The following ANK2 variants were observed in gnomAD, a reference collection of about 807,000 sequenced individuals.
ANK2 encodes ankyrin-2.
Under a neutral mutation model 360.5 loss-of-function variants are expected in ANK2, and 83 were observed. That is an observed-to-expected ratio of 0.23 (90% CI 0.19 to 0.28). The LOEUF is 0.28. Ranked by LOEUF, ANK2 falls within the 10% of genes least tolerant of loss-of-function variation. ANK2 has a pLI of 1.00. For synonymous variants in ANK2, 1,740 were observed against 1,759.5 expected, an observed-to-expected ratio of 0.99 and a Z score of 0.28; for missense variants, 4,201 against 4,795.7, an observed-to-expected ratio of 0.88 and a Z score of 3.66.
intron 10 of ANK2, among the ~76,000 whole-genome samples, chr4:113,253,127 A>T (rs2047368558): frequency 6.6e-6 from 1 of 152,120 alleles, no homozygotes; most frequent in African/African-American, 2.4e-5. Flanking sequence ...TGTAGTCTAC[A>T]TTCTCTCCCG....
chr4:112,845,322 G>GTT (rs34457976), intron 1 of ANK2, among the ~76,000 whole-genome samples: 23,637 of 147,654 alleles, frequency 0.16, 2,564 homozygotes, highest in East Asian at 0.55. Context: ...GTACTTAGGT[G>GTT]TTTTTTTTTT....
chr4:113,347,171 G>A (rs1184330692), intron 35 of ANK2, among the ~76,000 whole-genome samples: 1 of 152,102 alleles, frequency 6.6e-6, no homozygotes, highest in Non-Finnish European at 1.5e-5. Flanking sequence ...AATTATTCTT[G>A]TAAATAGAGA....
In ANK2 at chr4:113,341,829, G is replaced by T. The variant is rs776522934; in HGVS notation, c.4035G>T (p.Arg1345Ser). ...ATGACCCCATTGAAGCCAGGTTGAG[G>T]TGTTTCTGCATGACTGATGATAAAG... is the stretch of plus-strand genomic sequence containing the variant. The part of the protein sequence containing the change: ...KSHDPIEARL[R>S]CFCMTDDKVD... Residue 1345 changes from arginine to serine, a missense_variant, in exon 33 of 46, where the codon AGG becomes AGT. By Grantham distance (110) the Arg-to-Ser change is moderately radical (BLOSUM62 -1). Transcript: ENST00000357077. 1 of 1,614,096 alleles carries T rather than the reference G, an allele frequency of 6.2e-7. No individual in the cohort carries two copies. Among genetic ancestry groups the T allele is most frequent in the South Asian group, 1.1e-5 (1 of 91,090 alleles).
chr4:113,117,141 G>A (rs1178467686), intron 1 of ANK2: 1 of 371,222 alleles, frequency 2.7e-6, no homozygotes, highest in African/African-American at 2.1e-5. Context: ...CTAGCTCGGG[G>A]GCGGAGTGGA....
intron 10 of ANK2, among the ~76,000 whole-genome samples, chr4:113,251,834 A>G (rs1400940863): frequency 6.6e-6 from 1 of 151,436 alleles, no homozygotes. Context: ...GGCATGATAG[A>G]AAAAAAAAGA....
Position 112,957,741 on chromosome 4 carries a change from G to C in ANK2, c.21+53227G>C, listed in dbSNP as rs1340627836. On this transcript the variant is annotated intron_variant, in intron 2 of 30. Coordinates refer to the ANK2 transcript ENST00000503271. ...GACGGGGTGGCTGCCGGGCGGAGAC[G>C]CTCCTCACTTCCCAGACGGGGTGGC... Among the ~76,000 whole-genome samples the C allele has an allele frequency of 4.0e-5, 6 of 150,912 alleles. No individual in the cohort carries two copies. In the East Asian group the frequency reaches 8.0e-4, roughly 20 times the overall value.
intron 2 of ANK2, among the ~76,000 whole-genome samples, chr4:113,029,158 T>C (rs1415818648): frequency 1.3e-5 from 2 of 152,274 alleles, no homozygotes; most frequent in African/African-American, 4.8e-5. Context: ...TACTTGCTAT[T>C]AATTCTTAGA....
chr4:113,080,465 T>G (rs2081958190), intron 1 of ANK2, among the ~76,000 whole-genome samples: 1 of 152,282 alleles, frequency 6.6e-6, no homozygotes, highest in African/African-American at 2.4e-5. Flanking sequence ...CACTAGAAGG[T>G]TTTAAAACTC....
At chr4:113,154,431 G>T (rs1036005415) in intron 1 of ANK2, among the ~76,000 whole-genome samples, 13 of 152,176 alleles carry the variant, frequency 8.5e-5, no homozygotes, top group African/African-American at 2.9e-4. Flanking sequence ...CAGCAAGATT[G>T]TTCTGAATGA....
At chr4:113,102,488 G>T (rs939983828) in intron 1 of ANK2, among the ~76,000 whole-genome samples, 6 of 152,090 alleles carry the variant, frequency 3.9e-5, no homozygotes, top group Non-Finnish European at 7.4e-5. Flanking sequence ...AGATGCTGCT[G>T]GTGGGGCGCA....
intron 4 of ANK2, among the ~76,000 whole-genome samples, chr4:113,203,387 G>A (rs2098878972): frequency 6.6e-6 from 1 of 151,582 alleles, no homozygotes; most frequent in Non-Finnish European, 1.5e-5. Flanking sequence ...AATACTTGTA[G>A]CACTCTTTGT....
intron 2 of ANK2, among the ~76,000 whole-genome samples, chr4:112,952,998 T>C (rs1263520659): frequency 4.6e-5 from 7 of 152,198 alleles, no homozygotes; most frequent in African/African-American, 1.7e-4. Context: ...GTACCCAGGA[T>C]ATGCCAAGCA....
intron 1 of ANK2, among the ~76,000 whole-genome samples, chr4:112,830,676 C>T (rs917419829): frequency 6.6e-6 from 1 of 152,142 alleles, no homozygotes; most frequent in Admixed American, 6.5e-5. Context: ...GCTCTCGGCA[C>T]CTCCTCAGGC....
chr4:112,764,995 C>T, the ANK2 span, among the ~76,000 whole-genome samples: 4 of 152,118 alleles, frequency 2.6e-5, no homozygotes, highest in South Asian at 4.1e-4. Flanking sequence ...CGTGAGCCAC[C>T]GTGCCCGGCA....
chr4:113,318,818 A>G (rs1442693867), intron 26 of ANK2, among the ~76,000 whole-genome samples, 198 bp downstream of exon 26: 2 of 152,236 alleles, frequency 1.3e-5, no homozygotes, highest in African/African-American at 4.8e-5. Context: ...GATTGAATTC[A>G]GCATTAAAAA....
chr4:113,163,326 G>A (rs1178841063), intron 1 of ANK2, among the ~76,000 whole-genome samples: 3 of 152,224 alleles, frequency 2.0e-5, no homozygotes, highest in Middle Eastern at 3.4e-3. Flanking sequence ...ATATGCAAAA[G>A]ATGCTGAAAG....
intron 1 of ANK2, among the ~76,000 whole-genome samples, chr4:112,861,839 C>CAGAGAG (rs141841376): frequency 0.012 from 1,734 of 140,490 alleles, 33 homozygotes; most frequent in African/African-American, 0.037. Context: ...TACATAGAGA[C>CAGAGAG]AGAGAGAGAG....
intron 2 of ANK2, among the ~76,000 whole-genome samples, chr4:112,926,936 G>C (rs112169046): frequency 6.6e-6 from 1 of 152,174 alleles, no homozygotes; most frequent in Non-Finnish European, 1.5e-5. Context: ...AGTTCCACAG[G>C]ACTGGGGAGG....
At chr4:112,815,648 C>T (rs1047894330), upstream of ANK2, among the ~76,000 whole-genome samples, 1 of 152,176 alleles carries the variant, frequency 6.6e-6, no homozygotes, top group Non-Finnish European at 1.5e-5. Flanking sequence ...TCAGATCCAC[C>T]ACACCTCCAT....
Sources: gnomAD v4.1 joint callset for allele counts (sites outside exome capture counted in the v4.1 genomes callset) on GRCh38, gnomAD v4.1.1 for gene constraint, MANE v1.5 for transcripts, NCBI Gene and HGNC (gene_info 2026-07-23, HGNC 2026-07-21) for gene names.